The following DAPK2 variants were observed in gnomAD, a reference collection of about 807,000 sequenced individuals.
DAPK2 encodes death associated protein kinase 2.
A neutral mutation model predicts 44.1 loss-of-function variants in DAPK2; 35 were observed. That is an observed-to-expected ratio of 0.79 (90% CI 0.61 to 1.05). The LOEUF (loss-of-function observed/expected upper bound fraction) is 1.05. Among genes scored for constraint, DAPK2 ranks in the 50% least tolerant of loss-of-function variants. The pLI is 0.00. For synonymous variants in DAPK2, 174 were observed against 182.6 expected, an observed-to-expected ratio of 0.95 and a Z score of 0.38; for missense variants, 453 against 483.2, an observed-to-expected ratio of 0.94 and a Z score of 0.59.
At chr15:64,040,356 G>T (rs1339915174), upstream of DAPK2, 20 of 986,066 alleles carry the variant, frequency 2.0e-5, no homozygotes, top group Non-Finnish European at 3.1e-5. Context: ...TGGCTGCAAG[G>T]GAGCTAATAA....
chr15:64,035,620 T>C (rs2080158961), intron 1 of DAPK2, among the ~76,000 whole-genome samples: 1 of 151,980 alleles, frequency 6.6e-6, no homozygotes, highest in African/African-American at 2.4e-5. Context: ...AAATGAGGAG[T>C]TGGATGAGTT....
chr15:64,029,440 G>A (rs970437487), intron 1 of DAPK2, among the ~76,000 whole-genome samples: 1 of 152,124 alleles, frequency 6.6e-6, no homozygotes, highest in African/African-American at 2.4e-5. Flanking sequence ...CTTGGTCGTG[G>A]CAGAGCCCTC....
chr15:64,037,062 G>A (rs1023190119), intron 1 of DAPK2, among the ~76,000 whole-genome samples: 1 of 152,156 alleles, frequency 6.6e-6, no homozygotes, highest in Non-Finnish European at 1.5e-5. Flanking sequence ...AAAAAGCTGA[G>A]GCTCAGAGAG....
chr15:63,929,481 C>T, intron 6 of DAPK2, 70 bp downstream of exon 7: 1 of 1,588,896 alleles, frequency 6.3e-7, no homozygotes, highest in Middle Eastern at 1.7e-4. Context: ...TATCAGCCTG[C>T]CCCTCTCTCA....
At chr15:63,963,476 GT>G (rs1223949156) in intron 3 of DAPK2, among the ~76,000 whole-genome samples, 2 of 152,114 alleles carry the variant, frequency 1.3e-5, no homozygotes, top group Non-Finnish European at 2.9e-5. Flanking sequence ...CCTCTTAACT[GT>G]TTTTTGTTTT....
chr15:64,014,777 G>C (rs1035237855), intron 1 of DAPK2, among the ~76,000 whole-genome samples: 32 of 152,090 alleles, frequency 2.1e-4, no homozygotes, highest in African/African-American at 7.3e-4. Context: ...AAAATTAGCT[G>C]GGCATGGTGG....
At chr15:63,978,044 T>C (rs780971154) in intron 2 of DAPK2, among the ~76,000 whole-genome samples, 1 of 152,196 alleles carries the variant, frequency 6.6e-6, no homozygotes, top group Non-Finnish European at 1.5e-5. Context: ...GCTATATTAT[T>C]TTTGCTTCCA....
intron 1 of DAPK2, among the ~76,000 whole-genome samples, chr15:64,032,784 C>T (rs2080053090): frequency 6.6e-6 from 1 of 152,008 alleles, no homozygotes; most frequent in African/African-American, 2.4e-5. Flanking sequence ...AACCCTGTCC[C>T]TACAAAAAAT....
chr15:63,995,572 C>A (rs554307892), intron 1 of DAPK2, among the ~76,000 whole-genome samples: 2 of 152,224 alleles, frequency 1.3e-5, no homozygotes, highest in Non-Finnish European at 2.9e-5. Flanking sequence ...CAATTCTGTG[C>A]CTCAGTGACT....
intron 1 of DAPK2, among the ~76,000 whole-genome samples, chr15:64,031,562 G>GAA: frequency 6.6e-6 from 1 of 152,160 alleles, no homozygotes; most frequent in Non-Finnish European, 1.5e-5. Context: ...TATGTCAATC[G>GAA]TTTTCACTTT....
At position 63,939,121 on chromosome 15, in the gene DAPK2, A is replaced by G. The variant is rs1292483822; in HGVS notation, c.583+111T>C. On this transcript the variant is annotated intron_variant, in intron 4 of 10. Transcript: ENST00000261891. The surrounding 1 kb of genome is among the most constrained non-coding windows in gnomAD (Gnocchi z 4.3). ...CCATTAGGTTTCTAGAGATGTCCCA[A>G]TGCATCATCTCTTTGCTCAGAGGCC... 2.7e-5 allele frequency: 41 copies of G among 1,507,562 alleles called. No individual in the cohort carries two copies. In the East Asian group the frequency reaches 6.4e-4, roughly 23 times the overall value. The allele number at this position is 1,507,562 out of a possible 1,614,324, so 93.4% of individuals were successfully genotyped here. A position where few individuals can be genotyped will look rare whatever the true frequency, so the allele number is the denominator to read the frequency against.
chr15:63,999,363 G>T (rs1441910321), intron 1 of DAPK2, among the ~76,000 whole-genome samples: 2 of 152,164 alleles, frequency 1.3e-5, no homozygotes, highest in Non-Finnish European at 2.9e-5. Context: ...GCCAACAGCT[G>T]CTTCTCGTGG....
chr15:63,907,769 G>A (rs1486661872), exon 11 of DAPK2: 8 of 152,238 alleles, frequency 5.3e-5, no homozygotes, highest in African/African-American at 1.9e-4. Flanking sequence ...GGGAAGCAAG[G>A]AGGAGGCAGG....
chr15:63,961,675 T>C (rs2077904579), intron 3 of DAPK2, among the ~76,000 whole-genome samples: 1 of 152,222 alleles, frequency 6.6e-6, no homozygotes. Flanking sequence ...TGGCCCCCAC[T>C]CTCTTCTGGC....
chr15:64,005,266 C>T (rs1433579946), intron 1 of DAPK2, among the ~76,000 whole-genome samples: 1 of 151,902 alleles, frequency 6.6e-6, no homozygotes, highest in Non-Finnish European at 1.5e-5. Flanking sequence ...GGCAAGTCAT[C>T]CTACCTAGAT....
intron 5 of DAPK2, chr15:63,929,808 G>T (rs1179733780): frequency 1.5e-6 from 1 of 669,236 alleles, no homozygotes. Context: ...TTCAAGATCA[G>T]ACTCCTGCAC....
chr15:63,948,154 C>T (rs149114432), intron 3 of DAPK2, among the ~76,000 whole-genome samples: 2 of 150,910 alleles, frequency 1.3e-5, no homozygotes, highest in African/African-American at 4.9e-5. Flanking sequence ...ACCTGTAATC[C>T]CAGCTACTTC....
At chr15:64,014,218 G>A (rs1327907463) in intron 1 of DAPK2, among the ~76,000 whole-genome samples, 1 of 152,232 alleles carries the variant, frequency 6.6e-6, no homozygotes, top group South Asian at 2.1e-4. Context: ...CAGCACTGCT[G>A]GGACCAGGAT....
chr15:63,944,262 C>T (rs114135733), intron 3 of DAPK2, among the ~76,000 whole-genome samples: 2,933 of 152,278 alleles, frequency 0.019, 82 homozygotes, highest in African/African-American at 0.068. Context: ...TCACCATTCA[C>T]TTATTGGGCC....
Sources: gnomAD v4.1 joint callset for allele counts (sites outside exome capture counted in the v4.1 genomes callset) on GRCh38, gnomAD v4.1.1 for gene constraint, Gnocchi (gnomAD v3.1) non-coding constraint, MANE v1.5 for transcripts, NCBI Gene and HGNC (gene_info 2026-07-23, HGNC 2026-07-21) for gene names.